TNKS: variants seen among roughly 807,000 people sequenced by gnomAD.
TNKS encodes the protein poly [ADP-ribose] polymerase tankyrase-1.
In TNKS, 72 loss-of-function variants were observed where a neutral mutation model predicts 135.8. The observed-to-expected ratio is 0.53, with a 90% confidence interval of 0.44 to 0.64. The LOEUF (loss-of-function observed/expected upper bound fraction) is 0.64, where lower values mean the gene tolerates loss of function less well. TNKS is among the 30% of genes least tolerant of loss of function. The probability of loss-of-function intolerance (pLI) is 0.00; values close to 1 mark genes in which losing one functional copy is unlikely to be tolerated. For missense variants in TNKS, 1,769 were observed against 1,674.0 expected, an observed-to-expected ratio of 1.06 and a Z score of -0.99; for synonymous variants, 849 against 649.3, an observed-to-expected ratio of 1.31 and a Z score of -4.68.
chr8:9,666,192 G>A (rs1801978608), intron 3 of TNKS, among the ~76,000 whole-genome samples: 1 of 152,138 alleles, frequency 6.6e-6, no homozygotes, highest in Non-Finnish European at 1.5e-5. Context: ...CGTCACAGCT[G>A]GCTGCTGAAC....
intron 25 of TNKS, 32 bp from the exon 26 acceptor site, chr8:9,770,074 C>G: frequency 6.4e-7 from 1 of 1,569,838 alleles, no homozygotes; most frequent in African/African-American, 1.4e-5. Flanking sequence ...TTAAAGCTTC[C>G]TTCAAAGCAT....
chr8:9,609,339 T>C (rs1488961920), intron 2 of TNKS, among the ~76,000 whole-genome samples: 1 of 152,212 alleles, frequency 6.6e-6, no homozygotes, highest in Non-Finnish European at 1.5e-5. Flanking sequence ...TTAAATCAAA[T>C]TCTAGGCTTT....
At chr8:9,762,415 A>G (rs1807190924) in intron 21 of TNKS, among the ~76,000 whole-genome samples, 1 of 152,236 alleles carries the variant, frequency 6.6e-6, no homozygotes, top group Admixed American at 6.5e-5. Flanking sequence ...AGCAATTGTA[A>G]GTGGCTATTT....
intron 3 of TNKS, among the ~76,000 whole-genome samples, chr8:9,644,817 G>T (rs1386943816): frequency 6.6e-6 from 1 of 152,054 alleles, no homozygotes; most frequent in Non-Finnish European, 1.5e-5. Context: ...ATTCAGTGGA[G>T]ACCATTCTTC....
At chr8:9,768,258 T>G (rs1249435063) in intron 25 of TNKS, among the ~76,000 whole-genome samples, 2 of 152,094 alleles carry the variant, frequency 1.3e-5, no homozygotes, top group Non-Finnish European at 2.9e-5. Context: ...CAAAAGGAAC[T>G]GAGGTGGAGA....
chr8:9,631,745 T>G (rs778710851), intron 3 of TNKS, among the ~76,000 whole-genome samples: 25 of 151,798 alleles, frequency 1.6e-4, no homozygotes, highest in Admixed American at 8.5e-4. Context: ...TGCAACAAAA[T>G]CTGACATGGT....
chr8:9,571,337 G>A (rs528043421), intron 1 of TNKS, among the ~76,000 whole-genome samples: 1 of 152,082 alleles, frequency 6.6e-6, no homozygotes, highest in South Asian at 2.1e-4. Flanking sequence ...TTTGGTAATC[G>A]TCTTAGTCTT....
intron 2 of TNKS, among the ~76,000 whole-genome samples, chr8:9,587,631 T>G (rs1441254635): frequency 6.6e-6 from 1 of 152,114 alleles, no homozygotes; most frequent in African/African-American, 2.4e-5. Context: ...CTCGATCTCC[T>G]GACCTTGTGA....
chr8:9,746,003 G>T (rs1185032381), intron 17 of TNKS, among the ~76,000 whole-genome samples: 1 of 152,126 alleles, frequency 6.6e-6, no homozygotes, highest in Non-Finnish European at 1.5e-5. Flanking sequence ...GATCTTTCTT[G>T]GCCTTCCCTG....
chr8:9,757,661 C>G (rs1418451235), intron 20 of TNKS, among the ~76,000 whole-genome samples: 1 of 152,186 alleles, frequency 6.6e-6, no homozygotes, highest in East Asian at 1.9e-4. Flanking sequence ...CATTGACCCA[C>G]TTTTTGTTTC....
chr8:9,673,645 C>T (rs1802405951), intron 3 of TNKS, among the ~76,000 whole-genome samples: 1 of 151,902 alleles, frequency 6.6e-6, no homozygotes, highest in Non-Finnish European at 1.5e-5. Context: ...GAGGTTTCAC[C>T]ATCTTGACCA....
At chr8:9,580,951 C>T (rs1250716542) in intron 2 of TNKS, among the ~76,000 whole-genome samples, 1 of 151,926 alleles carries the variant, frequency 6.6e-6, no homozygotes, top group Non-Finnish European at 1.5e-5. Flanking sequence ...GCATTTTGTT[C>T]TCTCATATAT....
At chr8:9,597,993 A>C (rs1407655017) in intron 2 of TNKS, among the ~76,000 whole-genome samples, 1 of 152,214 alleles carries the variant, frequency 6.6e-6, no homozygotes, top group African/African-American at 2.4e-5. Context: ...AACTTTCCTA[A>C]GGAATGAGAA....
chr8:9,726,517 T>G, intron 12 of TNKS, 124 bp from the exon 13 acceptor site: 1 of 641,334 alleles, frequency 1.6e-6, no homozygotes, highest in Middle Eastern at 3.5e-4. Flanking sequence ...AAAACCAAAC[T>G]AAATAATTTT....
chr8:9,653,237 C>T (rs1283145567), intron 3 of TNKS, among the ~76,000 whole-genome samples: 3 of 152,120 alleles, frequency 2.0e-5, no homozygotes, highest in Non-Finnish European at 4.4e-5. Context: ...GTGTTTGTTG[C>T]TTAATGAACT....
chr8:9,641,310 A>G (rs1330851917), intron 3 of TNKS, among the ~76,000 whole-genome samples: 1 of 142,026 alleles, frequency 7.0e-6, no homozygotes, highest in Non-Finnish European at 1.5e-5. Context: ...CCACTTGACT[A>G]TCAGGCACTT....
At chr8:9,623,283 T>G (rs1799932761) in intron 3 of TNKS, among the ~76,000 whole-genome samples, 1 of 152,210 alleles carries the variant, frequency 6.6e-6, no homozygotes, top group African/African-American at 2.4e-5. Flanking sequence ...AGGTGTTTGA[T>G]CTATTGATAG....
chr8:9,594,863 G>C (rs1798715960), intron 2 of TNKS, among the ~76,000 whole-genome samples: 1 of 152,160 alleles, frequency 6.6e-6, no homozygotes, highest in South Asian at 2.1e-4. Flanking sequence ...GACCAAAGAA[G>C]TTTTAGCTAC....
intron 1 of TNKS, among the ~76,000 whole-genome samples, chr8:9,564,871 C>T (rs986454980): frequency 1.3e-5 from 2 of 151,996 alleles, no homozygotes; most frequent in Admixed American, 6.5e-5. Context: ...GAAACATACA[C>T]GAGAAAGAAA....
Sources: gnomAD v4.1 joint callset for allele counts (sites outside exome capture counted in the v4.1 genomes callset) on GRCh38, gnomAD v4.1.1 for gene constraint, MANE v1.5 for transcripts, NCBI Gene and HGNC (gene_info 2026-07-23, HGNC 2026-07-21) for gene names.